Variants in PDE11A observed in about 807,000 individuals in gnomAD.
PDE11A encodes phosphodiesterase 11A, also known as dual 3',5'-cyclic-AMP and -GMP phosphodiesterase 11A.
In PDE11A, 100 loss-of-function variants were observed where a neutral mutation model predicts 100.5. The observed-to-expected ratio is 1.00, with a 90% CI of 0.85 to 1.18. The LOEUF (loss-of-function observed/expected upper bound fraction) is 1.18, where lower values mean the gene tolerates loss of function less well. Ranked by LOEUF, PDE11A falls within the 50% of genes most tolerant of loss-of-function variation. The pLI is 0.00. For synonymous variants in PDE11A, 381 were observed against 420.8 expected (o/e 0.91, Z 1.16); for missense variants, 1,141 against 1,152.6 (o/e 0.99, Z 0.15).
chr2:177,699,998 A>G (rs999883144), intron 14 of PDE11A, among the ~76,000 whole-genome samples: 2 of 152,210 alleles, frequency 1.3e-5, no homozygotes, highest in African/African-American at 4.8e-5. Context: ...ACCAACACAG[A>G]AAAGATAGTT....
intron 10 of PDE11A, among the ~76,000 whole-genome samples, chr2:177,732,522 G>GC (rs1165569607): frequency 6.6e-6 from 1 of 152,144 alleles, no homozygotes; most frequent in African/African-American, 2.4e-5. Flanking sequence ...GATAGAGGCA[G>GC]CACTACTCCA....
At chr2:177,860,476 A>T (rs1020856202) in intron 5 of PDE11A, among the ~76,000 whole-genome samples, 5 of 151,840 alleles carry the variant, frequency 3.3e-5, no homozygotes, top group Non-Finnish European at 5.9e-5. Context: ...TCCACAAAGA[A>T]AAGCTCAGGA....
intron 6 of PDE11A, among the ~76,000 whole-genome samples, chr2:177,833,779 T>G (rs373873472): frequency 2.0e-5 from 3 of 152,146 alleles, no homozygotes; most frequent in African/African-American, 7.2e-5. Context: ...AAATTTAGAA[T>G]AGATATTAGT....
intron 13 of PDE11A, 142 bp downstream of exon 13, chr2:177,711,627 G>A (rs1406169013): frequency 5.9e-6 from 4 of 673,546 alleles, no homozygotes; most frequent in African/African-American, 5.4e-5. Context: ...AAGATGGATG[G>A]GCCCCATGAC....
At chr2:177,994,914 T>C (rs1446304488) in intron 2 of PDE11A, among the ~76,000 whole-genome samples, 1 of 150,728 alleles carries the variant, frequency 6.6e-6, no homozygotes, top group African/African-American at 2.4e-5. Flanking sequence ...AAAACCACAG[T>C]GTTAAGTTTT....
chr2:177,710,903 C>T (rs2081349821), intron 13 of PDE11A, among the ~76,000 whole-genome samples: 1 of 152,198 alleles, frequency 6.6e-6, no homozygotes, highest in African/African-American at 2.4e-5. Flanking sequence ...TGAAATCAGT[C>T]ATCTGAAGTT....
chr2:177,977,868 C>A (rs765006854), intron 2 of PDE11A, among the ~76,000 whole-genome samples: 3,348 of 86,776 alleles, frequency 0.039, 96 homozygotes, highest in Admixed American at 0.068. Flanking sequence ...AACTGGCTAG[C>A]CATATGTAGA....
At chr2:177,688,510 T>A (rs10175970) in intron 15 of PDE11A, among the ~76,000 whole-genome samples, 11,257 of 152,246 alleles carry the variant, frequency 0.074, 1,319 homozygotes, top group African/African-American at 0.25. Flanking sequence ...CTAAAAAGAA[T>A]ATTTGAAAAT....
At chr2:177,737,327 T>G (rs28707296) in intron 10 of PDE11A, among the ~76,000 whole-genome samples, 3 of 150,838 alleles carry the variant, frequency 2.0e-5, no homozygotes, top group Non-Finnish European at 4.4e-5. Context: ...ACCTGTAATC[T>G]CAGCACTTTG....
At chr2:177,635,132 T>C (rs531520249) in intron 19 of PDE11A, among the ~76,000 whole-genome samples, 1 of 152,330 alleles carries the variant, frequency 6.6e-6, no homozygotes, top group East Asian at 1.9e-4. Context: ...ATTTAGTTTT[T>C]GATTGTTCTG....
At chr2:177,895,094 T>C (rs2695092) in intron 4 of PDE11A, among the ~76,000 whole-genome samples, 103,612 of 151,754 alleles carry the variant, frequency 0.68, 35,828 homozygotes, top group East Asian at 0.82. Context: ...TATAACAAAC[T>C]TGCACATGTA....
intron 9 of PDE11A, among the ~76,000 whole-genome samples, chr2:177,789,341 C>T (rs1443145466): frequency 6.6e-6 from 1 of 151,954 alleles, no homozygotes; most frequent in Admixed American, 6.6e-5. Context: ...TTCAACAATG[C>T]TTCATGCTAA....
At chr2:177,641,710 C>G (rs1997207) in intron 19 of PDE11A, among the ~76,000 whole-genome samples, 132,544 of 152,274 alleles carry the variant, frequency 0.87, 57,791 homozygotes, top group East Asian at 0.98. Flanking sequence ...AAATAATCAA[C>G]CTATAATGGT....
chr2:178,085,953 C>T (rs576935052), intron 2 of PDE11A, among the ~76,000 whole-genome samples: 2 of 152,302 alleles, frequency 1.3e-5, no homozygotes, highest in Admixed American at 6.5e-5. Context: ...TACCACTATC[C>T]TAGGTTTTTA....
chr2:177,996,694 C>A (rs532460183), intron 2 of PDE11A, among the ~76,000 whole-genome samples: 1 of 152,200 alleles, frequency 6.6e-6, no homozygotes, highest in Non-Finnish European at 1.5e-5. Flanking sequence ...TTTTATGACA[C>A]TAGACAGGAA....
chr2:177,928,104 CAAAAAAAAAAAA>C (rs59085357), intron 2 of PDE11A, among the ~76,000 whole-genome samples: 1 of 56,456 alleles, frequency 1.8e-5, no homozygotes, highest in African/African-American at 6.7e-5. Context: ...AACTCCATCT[CAAAAAAAAAAAA>C]AAAAAAAAAA....
chr2:177,624,981 A>G lies in PDE11A; in HGVS notation c.*4426T>C, dbSNP rs2079812134. On this transcript the variant is annotated 3_prime_UTR_variant, in exon 20 of 20. Coordinates refer to ENST00000286063, the MANE Select transcript of PDE11A (RefSeq NM_016953.4). ...GCTACTCATGAGGCTGAGGCAGGAA[A>G]GATCACTTAAGTTGGAGAGGTCAAG... The G allele has an allele frequency of 6.6e-6, 1 of 152,374 alleles. No individual in the cohort carries two copies. Among genetic ancestry groups the G allele is most frequent in the South Asian group, 2.1e-4 (1 of 4,834 alleles). 9.4% of individuals were successfully genotyped at this position (152,374 alleles called of 1,614,324 possible).
chr2:177,883,441 C>T (rs1405651), intron 4 of PDE11A, among the ~76,000 whole-genome samples: 63,942 of 151,954 alleles, frequency 0.42, 14,437 homozygotes, highest in African/African-American at 0.58. Flanking sequence ...GGGGCACAAA[C>T]CATATCCTAT....
chr2:177,808,506 T>A (rs1384421983), intron 9 of PDE11A, among the ~76,000 whole-genome samples: 4 of 152,180 alleles, frequency 2.6e-5, no homozygotes, highest in African/African-American at 9.6e-5. Flanking sequence ...TAGGTCTACC[T>A]CCTCCAAGCT....
Sources: allele counts gnomAD v4.1 joint callset (sites outside exome capture counted in the v4.1 genomes callset), GRCh38; gene constraint gnomAD v4.1.1; transcripts MANE v1.5; gene names NCBI Gene and HGNC (gene_info 2026-07-23, HGNC 2026-07-21).